Variants in BCL2L13 observed in about 807,000 individuals in gnomAD.
The protein encoded by BCL2L13 is BCL2 like 13.
A neutral mutation model predicts 25.8 loss-of-function variants in BCL2L13; 13 were observed. The ratio of observed to expected loss-of-function variants is 0.50; its 90% CI spans 0.33 to 0.80. The LOEUF is 0.80. Ranked by LOEUF, BCL2L13 falls within the 30% of genes least tolerant of loss-of-function variation. The pLI is 0.02. For missense variants in BCL2L13, 504 were observed against 574.9 expected (o/e 0.88, Z 1.26); for synonymous variants, 244 against 230.3 (o/e 1.06, Z -0.54).
rs960880000 is a variant in BCL2L13, at chr22:17,698,612, C to T, written c.456+2402C>T. ...GGTGGTGTGCACCTGTATTCTGAGC[C>T]GAGCTATTTGGGAGGCTGAGGTGAG... On this transcript the variant is annotated intron_variant, in intron 5 of 6. Transcript: ENST00000317582. Among the ~76,000 whole-genome samples the T allele has an allele frequency of 4.7e-5, 7 of 149,842 alleles. 1 individual carries two copies. Among genetic ancestry groups the T allele is most frequent in the African/African-American group, 1.5e-4 (6 of 40,784 alleles).
chr22:17,717,698 T>G (rs902163535), intron 6 of BCL2L13, among the ~76,000 whole-genome samples: 7 of 152,210 alleles, frequency 4.6e-5, no homozygotes, highest in Admixed American at 4.6e-4. Context: ...AAACCCAATA[T>G]GATTCCCAGA....
At chr22:17,680,659 A>G (rs1032494736) in intron 2 of BCL2L13, among the ~76,000 whole-genome samples, 3 of 151,754 alleles carry the variant, frequency 2.0e-5, no homozygotes, top group Non-Finnish European at 2.9e-5. Flanking sequence ...GGTGGCATGC[A>G]TGATTCACGA....
intron 1 of BCL2L13, among the ~76,000 whole-genome samples, chr22:17,655,417 G>A (rs1325814062): frequency 6.7e-6 from 1 of 148,416 alleles, no homozygotes; most frequent in Non-Finnish European, 1.5e-5. Context: ...GTAATTGTAT[G>A]TGCAGTACTT....
At chr22:17,670,532 G>A (rs1482690237) in intron 2 of BCL2L13, among the ~76,000 whole-genome samples, 1 of 151,942 alleles carries the variant, frequency 6.6e-6, no homozygotes, top group Non-Finnish European at 1.5e-5. Flanking sequence ...GCGCCATCAT[G>A]CCTGGCTTAT....
At chr22:17,664,829 G>A (rs906306119) in intron 2 of BCL2L13, among the ~76,000 whole-genome samples, 3 of 152,318 alleles carry the variant, frequency 2.0e-5, no homozygotes, top group Non-Finnish European at 2.9e-5. Context: ...CTTTAGCCAC[G>A]ACTGGAGTGG....
At chr22:17,659,017 C>T (rs1363698757) in intron 2 of BCL2L13, among the ~76,000 whole-genome samples, 8 of 129,784 alleles carry the variant, frequency 6.2e-5, no homozygotes, top group Admixed American at 1.6e-4. Flanking sequence ...GGGATCGCCC[C>T]GCTGCACTCC....
rs189693035 is a variant in BCL2L13, at chr22:17,670,513, T to A, written c.122-12701T>A. On this transcript the variant is annotated intron_variant, in intron 2 of 6. Coordinates refer to ENST00000317582, the MANE Select transcript of BCL2L13 (RefSeq NM_015367.4). ...CCTCAGCCTCCCAAGTAGCTGGGAT[T>A]ACAGGCATGCGCCATCATGCCTGGC... is the stretch of plus-strand genomic sequence containing the variant. 3.9e-4 allele frequency among the ~76,000 whole-genome samples: 59 copies of A among 152,150 alleles called. 1 individual carries two copies. Among genetic ancestry groups the A allele is most frequent in the South Asian group, 1.0e-3 (5 of 4,814 alleles).
At chr22:17,663,991 G>A (rs866295611) in intron 2 of BCL2L13, among the ~76,000 whole-genome samples, 9 of 152,160 alleles carry the variant, frequency 5.9e-5, no homozygotes, top group Admixed American at 1.3e-4. Flanking sequence ...TGGGATTACA[G>A]GCACGCGCCA....
At chr22:17,712,898 A>G (rs1030969280) in intron 6 of BCL2L13, among the ~76,000 whole-genome samples, 10 of 152,196 alleles carry the variant, frequency 6.6e-5, no homozygotes, top group African/African-American at 2.4e-4. Context: ...TACTGAAGTG[A>G]TTGTAAATAT....
chr22:17,723,561 C>A (rs1205046274), intron 6 of BCL2L13, among the ~76,000 whole-genome samples: 1 of 152,136 alleles, frequency 6.6e-6, no homozygotes, highest in African/African-American at 2.4e-5. Context: ...AAAATGACAA[C>A]ACAAACAATA....
At chr22:17,667,511 T>A (rs1441386083) in intron 2 of BCL2L13, among the ~76,000 whole-genome samples, 2 of 148,994 alleles carry the variant, frequency 1.3e-5, no homozygotes, top group Non-Finnish European at 3.0e-5. Context: ...AAGTCTTTGT[T>A]GTTATTGTTG....
intron 2 of BCL2L13, among the ~76,000 whole-genome samples, chr22:17,676,916 G>A (rs2059591045): frequency 6.6e-6 from 1 of 152,162 alleles, no homozygotes; most frequent in Non-Finnish European, 1.5e-5. Context: ...TTGCATAATA[G>A]ATTGTTTTAT....
intron 1 of BCL2L13, among the ~76,000 whole-genome samples, chr22:17,650,085 G>C (rs2058631041): frequency 1.3e-5 from 2 of 151,170 alleles, no homozygotes; most frequent in Non-Finnish European, 2.9e-5. Flanking sequence ...GGCCAGGCTG[G>C]TCTCGAACTC....
At chr22:17,648,460 C>T (rs2401164) in intron 1 of BCL2L13, among the ~76,000 whole-genome samples, 79,458 of 151,598 alleles carry the variant, frequency 0.52, 21,464 homozygotes, top group East Asian at 0.84. Context: ...CAATTTGGGA[C>T]GCCAAGGTTG....
At chr22:17,721,682 G>A (rs554747831) in intron 6 of BCL2L13, among the ~76,000 whole-genome samples, 25 of 152,018 alleles carry the variant, frequency 1.6e-4, no homozygotes, top group Non-Finnish European at 3.2e-4. Context: ...GTGCCACCAC[G>A]CCTGGCTAAT....
intron 6 of BCL2L13, among the ~76,000 whole-genome samples, chr22:17,703,964 A>G (rs2060515896): frequency 6.6e-6 from 1 of 152,232 alleles, no homozygotes; most frequent in Non-Finnish European, 1.5e-5. Flanking sequence ...TTTCAGTTTT[A>G]TGATGATGTA....
chr22:17,681,807 T>TTTGTATC (rs1349272891), intron 2 of BCL2L13, among the ~76,000 whole-genome samples: 1 of 152,170 alleles, frequency 6.6e-6, no homozygotes, highest in Non-Finnish European at 1.5e-5. Context: ...ACCCTGAAAG[T>TTTGTATC]TGACTGCCTG....
At chr22:17,638,942 TGGGTAGGAAAGTGCC>T in intron 1 of BCL2L13, 56 bp downstream of exon 1, 1 of 1,213,702 alleles carries the variant, frequency 8.2e-7, no homozygotes, top group Non-Finnish European at 1.0e-6. Flanking sequence ...GGTTTTCACC[TGGGTAGGAAAGTGCC>T]CAGAGACCGT....
intron 2 of BCL2L13, among the ~76,000 whole-genome samples, chr22:17,673,502 G>T (rs1304277749): frequency 6.6e-6 from 1 of 150,822 alleles, no homozygotes; most frequent in Non-Finnish European, 1.5e-5. Context: ...TGAGTAGCTG[G>T]AACTACAGTC....
Sources: gnomAD v4.1 joint callset for allele counts (sites outside exome capture counted in the v4.1 genomes callset) on GRCh38, gnomAD v4.1.1 for gene constraint, MANE v1.5 for transcripts, NCBI Gene and HGNC (gene_info 2026-07-23, HGNC 2026-07-21) for gene names.